Variants in ARID3A observed in about 807,000 individuals in gnomAD.
The protein encoded by ARID3A is AT-rich interaction domain 3A, also known as AT-rich interactive domain-containing protein 3A.
A neutral mutation model predicts 52.7 loss-of-function variants in ARID3A; 11 were observed. That is an observed-to-expected ratio of 0.21 (90% CI 0.13 to 0.35). The LOEUF is 0.35. Ranked by LOEUF, ARID3A falls within the 10% of genes least tolerant of loss-of-function variation. The probability of loss-of-function intolerance (pLI) is 1.00; values close to 1 mark genes in which losing one functional copy is unlikely to be tolerated. For missense variants in ARID3A, 721 were observed against 838.5 expected (o/e 0.86, Z 1.73); for synonymous variants, 404 against 359.4 (o/e 1.12, Z -1.40).
chr19:971,933 A>T lies in ARID3A; in HGVS notation c.1650A>T (p.Gly550=). 6.3e-7 allele frequency: 1 copy of T among 1,583,212 alleles called. No individual in the cohort carries two copies. Among genetic ancestry groups the T allele is most frequent in the African/African-American group, 1.4e-5 (1 of 72,402 alleles). The change falls in exon 9 of 9, where the codon GGA becomes GGT. Residue 550 remains glycine (G), a synonymous_variant. Transcript: ENST00000263620. ...CGCCAACCTCTGCTCCCAACAAAGG[A>T]GGCGGCGGCGGCGGCGGCAGCAGCA... The part of the protein sequence containing the change: ...APTPTSAPNK[G]GGGGGGSSSN...
chr19:927,754 G>C (rs747326054), intron 1 of ARID3A, among the ~76,000 whole-genome samples: 2 of 151,982 alleles, frequency 1.3e-5, no homozygotes, highest in Non-Finnish European at 2.9e-5. Context: ...GGTGGCCTCC[G>C]GACCGCCAGG....
chr19:928,736 G>T (rs1470282722), intron 1 of ARID3A: 1 of 152,282 alleles, frequency 6.6e-6, no homozygotes, highest in Non-Finnish European at 1.5e-5. Flanking sequence ...TTGCAGGTAG[G>T]GAACCTGAGG....
At position 938,987 on chromosome 19, in the gene ARID3A, A is replaced by G. The variant is rs1254999814; in HGVS notation, c.693+6245A>G. Among the ~76,000 whole-genome samples, 1 of 147,388 alleles carries G rather than the reference A, an allele frequency of 6.8e-6. No homozygotes were observed. Among genetic ancestry groups the G allele is most frequent in the Admixed American group, 6.8e-5 (1 of 14,720 alleles). On this transcript the variant is annotated intron_variant, in intron 3 of 8. Transcript: ENST00000263620. This position sits in a 1 kb window ranked among gnomAD's most constrained non-coding sequence, Gnocchi z 4.0. ...GTTTTGTCACCCAGGCTGCAGTGCAATGGTGCAATCTCAGCTCACTGCAAC... is the reference window on the plus strand; with the variant it reads ...GTTTTGTCACCCAGGCTGCAGTGCAGTGGTGCAATCTCAGCTCACTGCAAC...
chr19:966,108 C>T (rs994838097), intron 6 of ARID3A, among the ~76,000 whole-genome samples: 3 of 151,164 alleles, frequency 2.0e-5, no homozygotes, highest in Non-Finnish European at 2.9e-5. Context: ...TTGCAGTGAG[C>T]TGGGATCGCG....
intron 2 of ARID3A, among the ~76,000 whole-genome samples, chr19:930,382 T>C (rs1187812767): frequency 1.4e-5 from 2 of 147,816 alleles, no homozygotes; most frequent in African/African-American, 5.0e-5. Context: ...CGAAACCCCA[T>C]CTCTACTAAA....
intron 2 of ARID3A, among the ~76,000 whole-genome samples, chr19:931,682 G>A (rs1055398046): frequency 1.7e-4 from 26 of 151,866 alleles, no homozygotes; most frequent in African/African-American, 4.8e-4. Context: ...GCGTGGTGGC[G>A]GGCGCCTGTA....
chr19:925,736 T>G (rs1461037927), upstream of ARID3A: 1 of 151,636 alleles, frequency 6.6e-6, no homozygotes, highest in Non-Finnish European at 1.5e-5. Flanking sequence ...CCGTTTATTA[T>G]TTATTATCCT....
In ARID3A at chr19:972,123, C is replaced by T. The variant is rs1227518018; in HGVS notation, c.*58C>T. On this transcript the variant is annotated 3_prime_UTR_variant, in exon 9 of 9. Coordinates refer to ENST00000263620, the MANE Select transcript of ARID3A (RefSeq NM_005224.3). ...AGCCCGCCGGCCTGGGCAGGGGGTC[C>T]AGGTGGGCCACACAGGGGCCAGGAT... 6 of 1,453,524 alleles carry T rather than the reference C, an allele frequency of 4.1e-6. No homozygotes were observed. The highest frequency in any genetic ancestry group is 5.4e-6 in the Non-Finnish European group (6 of 1,102,744). 90.0% of individuals were successfully genotyped at this position (1,453,524 alleles called of 1,614,324 possible). A position where few individuals can be genotyped will look rare whatever the true frequency, so the allele number is the denominator to read the frequency against.
rs3746142 is a variant in ARID3A, at chr19:929,637, G to C, written c.109G>C (p.Gly37Arg). 5 of 1,528,830 alleles carry C rather than the reference G, an allele frequency of 3.3e-6. No individual in the cohort carries two copies. The highest frequency in any genetic ancestry group is 3.5e-6 in the Non-Finnish European group (4 of 1,144,446). 94.7% of individuals were successfully genotyped at this position (1,528,830 alleles called of 1,614,324 possible). A position where few individuals can be genotyped will look rare whatever the true frequency, so the allele number is the denominator to read the frequency against. Reference protein sequence around the residue: ...LPPDPPAAPPGRARAAPDEDR... With the variant: ...LPPDPPAAPPRRARAAPDEDR... ...CCCCGATCCCCCTGCTGCACCCCCCGGCCGGGCCCGGGCTGCCCCCGACGA... is the reference window on the plus strand; with the variant it reads ...CCCCGATCCCCCTGCTGCACCCCCCCGCCGGGCCCGGGCTGCCCCCGACGA... The change falls in exon 2 of 9, where the codon GGC becomes CGC. Residue 37 changes from glycine (G) to arginine (R), a missense_variant. Coordinates refer to ENST00000263620, the MANE Select transcript of ARID3A (RefSeq NM_005224.3). The surrounding 1 kb of genome is among the most constrained non-coding windows in gnomAD (Gnocchi z 6.2).
intron 6 of ARID3A, 110 bp from the exon 7 acceptor site, chr19:966,458 CAAAA>C (rs71335324): frequency 2.9e-3 from 1,952 of 682,162 alleles, no homozygotes; most frequent in South Asian, 5.9e-3. Flanking sequence ...AACTCCGTCT[CAAAA>C]AAAAAAAAAA....
Position 960,445 on chromosome 19 carries a change from A to G in ARID3A, c.766+281A>G, listed in dbSNP as rs1637995. Among the ~76,000 whole-genome samples the G allele has an allele frequency of 0.95, 143,902 of 152,020 alleles. 68,274 individuals are homozygous for G. Among genetic ancestry groups the G allele is most frequent in the East Asian group, 1 (5,134 of 5,136 alleles). ...CAACCCAGAACAGACAGTCCAGGTCATCTCCTTAGCATCCAGGGTGCAGTG... is the reference window on the plus strand; with the variant it reads ...CAACCCAGAACAGACAGTCCAGGTCGTCTCCTTAGCATCCAGGGTGCAGTG... On this transcript the variant is annotated intron_variant, in intron 4 of 8. Transcript: ENST00000263620. This position sits in a 1 kb window ranked among gnomAD's most constrained non-coding sequence, Gnocchi z 4.3.
Position 929,609 on chromosome 19 carries a change from GC to G in ARID3A, c.87del (p.Asp30IlefsTer94). 6.6e-7 allele frequency: 1 copy of G among 1,524,684 alleles called. No homozygotes were observed. Among genetic ancestry groups the G allele is most frequent in the East Asian group, 2.5e-5 (1 of 39,714 alleles). 94.4% of individuals were successfully genotyped at this position (1,524,684 alleles called of 1,614,324 possible). A position where few individuals can be genotyped will look rare whatever the true frequency, so the allele number is the denominator to read the frequency against. ...RQELEARQQLPPDPPAAPPGR... is the reference protein window; with the variant it reads ...RQELEARQQLXPDPPAAPPGR... Reference sequence around the variant, plus strand: ...AGGAGCTGGAGGCCCGGCAGCAGCTGCCCCCCGATCCCCCTGCTGCACCCCC... The same window carrying G: ...AGGAGCTGGAGGCCCGGCAGCAGCTGCCCCCGATCCCCCTGCTGCACCCCC... On this transcript the variant is annotated frameshift_variant, in exon 2 of 9. Transcript: ENST00000263620. LOFTEE classifies it high-confidence loss of function. The surrounding 1 kb of genome is among the most constrained non-coding windows in gnomAD (Gnocchi z 6.2).
intron 3 of ARID3A, among the ~76,000 whole-genome samples, chr19:948,668 C>G (rs1351414194): frequency 1.4e-5 from 2 of 145,838 alleles, no homozygotes; most frequent in African/African-American, 5.1e-5. Flanking sequence ...CCTCTGGACT[C>G]TGTGGGGAGG....
rs2037635765 is a variant in ARID3A at position 944,562 on chromosome 19, A to AC, written c.693+11825dup. On this transcript the variant is annotated intron_variant, in intron 3 of 8. Coordinates refer to ENST00000263620, the MANE Select transcript of ARID3A (RefSeq NM_005224.3). This position sits in a 1 kb window ranked among gnomAD's most constrained non-coding sequence, Gnocchi z 5.9. ...GGCAAGTGAGCGTCCCCCACCCAGG[A>AC]CCCCCGACCCCGGCCCTGGGAGGGC... 1.3e-5 allele frequency among the ~76,000 whole-genome samples: 2 copies of AC among 151,116 alleles called. No individual in the cohort carries two copies. Among genetic ancestry groups the AC allele is most frequent in the Non-Finnish European group, 3.0e-5 (2 of 67,774 alleles).
In ARID3A at chr19:942,091, G is replaced by A. The variant is rs1465371478; in HGVS notation, c.693+9349G>A. Among the ~76,000 whole-genome samples the A allele has an allele frequency of 1.3e-5, 2 of 152,262 alleles. No individual in the cohort carries two copies. Among genetic ancestry groups the A allele is most frequent in the Non-Finnish European group, 1.5e-5 (1 of 68,012 alleles). On this transcript the variant is annotated intron_variant, in intron 3 of 8. Coordinates refer to ENST00000263620, the MANE Select transcript of ARID3A (RefSeq NM_005224.3). This position sits in a 1 kb window ranked among gnomAD's most constrained non-coding sequence, Gnocchi z 8.1. The stretch of plus-strand genomic sequence containing the variant: ...GCACAGATCAGCGCCTCCCCTGCCC[G>A]CCATGGGCTCTGGAGCCAGCCTAGC...
At chr19:967,119 C>T (rs919851838) in intron 7 of ARID3A, among the ~76,000 whole-genome samples, 1 of 152,078 alleles carries the variant, frequency 6.6e-6, no homozygotes, top group South Asian at 2.1e-4. Flanking sequence ...ATTAGCCGGG[C>T]GTGGCAGCGC....
At position 966,663 on chromosome 19, in the gene ARID3A, GCAAGCAGCAGCCGCC is replaced by G. The variant is rs1360782409; in HGVS notation, c.1299_1313del (p.Ala434_Ala438del). ...TGGTGGCAGCCCAGGCAGCAGCTGT[GCAAGCAGCAGCCGCC>G]CAAGCAGCTGTGGCCGCACAGGCAG... On this transcript the variant is annotated inframe_deletion, in exon 7 of 9. Transcript: ENST00000263620. The G allele has an allele frequency of 1.9e-6, 3 of 1,610,076 alleles. No individual in the cohort carries two copies. Among genetic ancestry groups the G allele is most frequent in the Non-Finnish European group, 2.5e-6 (3 of 1,177,864 alleles).
Position 929,397 on chromosome 19 carries a change from C to A in ARID3A, c.-132C>A. ...CCCGCCCCCTGCCACCCTGCACTGCCCCGGCTCCCCCGCGGCCCCCACGCT... is the reference window on the plus strand; with the variant it reads ...CCCGCCCCCTGCCACCCTGCACTGCACCGGCTCCCCCGCGGCCCCCACGCT... On this transcript the variant is annotated 5_prime_UTR_variant, in exon 2 of 9. Coordinates refer to ENST00000263620, the MANE Select transcript of ARID3A (RefSeq NM_005224.3). This position sits in a 1 kb window ranked among gnomAD's most constrained non-coding sequence, Gnocchi z 6.2. 1 of 1,020,466 alleles carries A rather than the reference C, an allele frequency of 9.8e-7. No individual in the cohort carries two copies. 63.2% of individuals were successfully genotyped at this position (1,020,466 alleles called of 1,614,324 possible).
Position 939,617 on chromosome 19 carries a change from C to T in ARID3A, c.693+6875C>T, listed in dbSNP as rs866422249. Among the ~76,000 whole-genome samples the T allele has an allele frequency of 3.3e-5, 5 of 152,128 alleles. 1 individual carries two copies. The highest frequency in any genetic ancestry group is 4.2e-4 in the South Asian group (2 of 4,812). On this transcript the variant is annotated intron_variant, in intron 3 of 8. Transcript: ENST00000263620. ...CTAACGTGTGATCTTCCGGGCAGGT[C>T]GGGAGGTTCCTCCCGCCGCTGCCTT...
Sources: allele counts gnomAD v4.1 joint callset (sites outside exome capture counted in the v4.1 genomes callset), GRCh38; gene constraint gnomAD v4.1.1; non-coding constraint Gnocchi (gnomAD v3.1); transcripts MANE v1.5; gene names NCBI Gene and HGNC (gene_info 2026-07-23, HGNC 2026-07-21).